FRMD3: variants seen among roughly 807,000 people sequenced by gnomAD.
FRMD3 encodes the protein FERM domain-containing protein 3.
FRMD3 carries 33 observed loss-of-function variants against 70.2 expected under a neutral mutation model. The observed-to-expected ratio is 0.47, with a 90% CI of 0.36 to 0.63. The LOEUF (loss-of-function observed/expected upper bound fraction) is 0.63, where lower values mean the gene tolerates loss of function less well. Among genes scored for constraint, FRMD3 ranks in the 20% least tolerant of loss-of-function variants. The pLI is 0.00. For synonymous variants in FRMD3, 279 were observed against 255.9 expected (o/e 1.09, Z -0.86); for missense variants, 632 against 711.4 (o/e 0.89, Z 1.27).
intron 1 of FRMD3, among the ~76,000 whole-genome samples, chr9:83,488,527 T>C (rs1828735734): frequency 6.6e-6 from 1 of 152,162 alleles, no homozygotes; most frequent in Admixed American, 6.5e-5. Flanking sequence ...ATAAACAGAA[T>C]GCCTACAATA....
At position 83,280,377 on chromosome 9, in the gene FRMD3, G is replaced by C. The variant is rs773648633; in HGVS notation, c.1195+10226C>G. Among the ~76,000 whole-genome samples, 3 of 152,180 alleles carry C rather than the reference G, an allele frequency of 2.0e-5. No individual in the cohort carries two copies. In the South Asian group the frequency reaches 6.2e-4, roughly 32 times the overall value. ...ATTGGAGACTTAGGGGTCACCATAC[G>C]ATGCTTAAATGAGAGTGACACAGCA... is the stretch of plus-strand genomic sequence containing the variant. On this transcript the variant is annotated intron_variant, in intron 13 of 13. Transcript: ENST00000304195.
chr9:83,384,631 A>G (rs1825459196), intron 2 of FRMD3, among the ~76,000 whole-genome samples: 1 of 152,150 alleles, frequency 6.6e-6, no homozygotes, highest in Admixed American at 6.5e-5. Context: ...ACTGAACATG[A>G]CCTTGCATCC....
intron 3 of FRMD3, among the ~76,000 whole-genome samples, chr9:83,370,385 G>T (rs1384980235): frequency 1.3e-5 from 2 of 152,158 alleles, no homozygotes; most frequent in African/African-American, 2.4e-5. Flanking sequence ...ATCACACTAG[G>T]TTTGTGATCT....
Position 83,479,785 on chromosome 9 carries a change from GGGAAGGAAGGAAGGAAGGAA to G in FRMD3, c.147+58280_147+58299del, listed in dbSNP as rs1242768755. Among the ~76,000 whole-genome samples the G allele has an allele frequency of 9.4e-5, 4 of 42,576 alleles. No individual in the cohort carries two copies. The South Asian group carries it at 3.1e-3, about 33-fold the overall frequency. 27.9% of individuals were successfully genotyped at this position (42,576 alleles called of 152,430 possible). Reference sequence around the variant, plus strand: ...AGGGAGGGAGGGAGGGAGGGAGGGAGGGAAGGAAGGAAGGAAGGAAGGAAGGAAGGAAGGAAGGAAGGAAG... The same window carrying G: ...AGGGAGGGAGGGAGGGAGGGAGGGAGGGAAGGAAGGAAGGAAGGAAGGAAG... On this transcript the variant is annotated intron_variant, in intron 1 of 13. Transcript: ENST00000304195.
intron 1 of FRMD3, among the ~76,000 whole-genome samples, chr9:83,433,961 G>A (rs1488373532): frequency 6.6e-6 from 1 of 152,160 alleles, no homozygotes; most frequent in Non-Finnish European, 1.5e-5. Context: ...TGCCTTAAAG[G>A]ACTTGTGTCA....
chr9:83,289,319 C>T (rs1438816427), intron 13 of FRMD3, among the ~76,000 whole-genome samples: 2 of 152,108 alleles, frequency 1.3e-5, no homozygotes, highest in Non-Finnish European at 2.9e-5. Context: ...ATAACAAAAG[C>T]CATTTATAAC....
At chr9:83,492,975 T>A (rs987203641) in intron 1 of FRMD3, among the ~76,000 whole-genome samples, 6 of 152,072 alleles carry the variant, frequency 3.9e-5, no homozygotes, top group African/African-American at 1.4e-4. Flanking sequence ...TCCAGGAAAA[T>A]GAAATACCAG....
At chr9:83,480,090 T>C (rs914579774) in intron 1 of FRMD3, among the ~76,000 whole-genome samples, 8 of 152,224 alleles carry the variant, frequency 5.3e-5, no homozygotes, top group African/African-American at 1.9e-4. Flanking sequence ...CATTCTTAGA[T>C]ATATGCCATA....
chr9:83,349,909 C>A, intron 3 of FRMD3, 152 bp from the exon 4 acceptor site: 2 of 566,378 alleles, frequency 3.5e-6, no homozygotes, highest in South Asian at 2.3e-5. Flanking sequence ...GATATGATGC[C>A]CAAGAAAACA....
intron 1 of FRMD3, among the ~76,000 whole-genome samples, chr9:83,404,214 C>T (rs1826034214): frequency 6.6e-6 from 1 of 152,146 alleles, no homozygotes; most frequent in Non-Finnish European, 1.5e-5. Context: ...GGAGGAAAAA[C>T]ATCTTGGTTA....
intron 1 of FRMD3, among the ~76,000 whole-genome samples, chr9:83,452,810 A>C (rs988277411): frequency 6.7e-6 from 1 of 149,160 alleles, no homozygotes; most frequent in African/African-American, 2.5e-5. Context: ...ACCAGAGCTT[A>C]AGAATACTTG....
At position 83,246,284 on chromosome 9, in the gene FRMD3, C is replaced by T. The variant is rs1216732000; in HGVS notation, c.*1634G>A. 12 of 984,658 alleles carry T rather than the reference C, an allele frequency of 1.2e-5. No individual in the cohort carries two copies. The highest frequency in any genetic ancestry group is 1.7e-5 in the African/African-American group (1 of 57,226). 61.0% of individuals were successfully genotyped at this position (984,658 alleles called of 1,614,324 possible). A position where few individuals can be genotyped will look rare whatever the true frequency, so the allele number is the denominator to read the frequency against. On this transcript the variant is annotated 3_prime_UTR_variant, in exon 14 of 14. Coordinates refer to ENST00000304195, the MANE Select transcript of FRMD3 (RefSeq NM_174938.6). The stretch of plus-strand genomic sequence containing the variant: ...AGCTCTATGCTCCATGGCATAAGTT[C>T]TAGACTCTTATCTTTCTCCCACATA...
intron 1 of FRMD3, among the ~76,000 whole-genome samples, chr9:83,505,100 T>C (rs1829153181): frequency 6.6e-6 from 1 of 152,194 alleles, no homozygotes; most frequent in East Asian, 1.9e-4. Context: ...TGAGATTTTC[T>C]TCCACACAGC....
intron 2 of FRMD3, among the ~76,000 whole-genome samples, chr9:83,384,337 A>G (rs1249891085): frequency 6.6e-6 from 1 of 152,170 alleles, no homozygotes; most frequent in Non-Finnish European, 1.5e-5. Flanking sequence ...TATCCCGAGA[A>G]GCAGGAAGCA....
the FRMD3 span, among the ~76,000 whole-genome samples, chr9:83,579,827 C>A: frequency 4.6e-5 from 7 of 151,904 alleles, no homozygotes; most frequent in African/African-American, 1.7e-4. Flanking sequence ...GCAAAAGAAA[C>A]AATTAACAAG....
chr9:83,571,896 G>C, the FRMD3 span, among the ~76,000 whole-genome samples: 1 of 152,304 alleles, frequency 6.6e-6, no homozygotes, highest in East Asian at 1.9e-4. Flanking sequence ...CGTAAACAGT[G>C]GTTCCCAACA....
chr9:83,496,653 A>C (rs1449360633), intron 1 of FRMD3, among the ~76,000 whole-genome samples: 1 of 152,210 alleles, frequency 6.6e-6, no homozygotes, highest in Non-Finnish European at 1.5e-5. Context: ...GATTAAAAAA[A>C]AAATGATAGC....
upstream of FRMD3, chr9:83,538,402 G>A (rs911407853): frequency 2.8e-5 from 13 of 464,314 alleles, no homozygotes; most frequent in East Asian, 3.7e-5. This position sits in a 1 kb window ranked among gnomAD's most constrained non-coding sequence, Gnocchi z 4.7. Context: ...GGGGCGCGGC[G>A]GGCGGGTCCC....
At chr9:83,505,907 C>T (rs1162736878) in intron 1 of FRMD3, among the ~76,000 whole-genome samples, 2 of 152,122 alleles carry the variant, frequency 1.3e-5, no homozygotes, top group Non-Finnish European at 2.9e-5. Flanking sequence ...TCCAGAGGCC[C>T]CTCCACCTAG....
Sources: gnomAD v4.1 joint callset for allele counts (sites outside exome capture counted in the v4.1 genomes callset) on GRCh38, gnomAD v4.1.1 for gene constraint, Gnocchi (gnomAD v3.1) non-coding constraint, MANE v1.5 for transcripts, NCBI Gene and HGNC (gene_info 2026-07-23, HGNC 2026-07-21) for gene names.